The following WHRN variants were observed in gnomAD, a reference collection of about 807,000 sequenced individuals.
WHRN encodes whirlin, also known as CASK-interacting protein CIP98.
WHRN carries 41 observed loss-of-function variants against 68.3 expected under a neutral mutation model. That is an observed-to-expected ratio of 0.60 (90% confidence interval 0.47 to 0.78). The LOEUF is 0.78. Ranked by LOEUF, WHRN falls within the 30% of genes least tolerant of loss-of-function variation. The pLI, the probability that WHRN is intolerant of heterozygous loss-of-function variation, is 0.00. For missense variants in WHRN, 1,243 were observed against 1,244.7 expected, an observed-to-expected ratio of 1.00 and a Z score of 0.02; for synonymous variants, 560 against 561.3, an observed-to-expected ratio of 1.00 and a Z score of 0.03.
chr9:114,412,602 G>A (rs912944329), intron 7 of WHRN, among the ~76,000 whole-genome samples: 1 of 152,204 alleles, frequency 6.6e-6, no homozygotes, highest in Non-Finnish European at 1.5e-5. Context: ...CTTCCCATAA[G>A]AGCCAAGATG....
intron 3 of WHRN, among the ~76,000 whole-genome samples, chr9:114,434,600 T>C (rs1837692246): frequency 6.6e-6 from 1 of 152,112 alleles, no homozygotes; most frequent in Non-Finnish European, 1.5e-5. Flanking sequence ...CCACTGGATC[T>C]ATCATCAAGC....
intron 2 of WHRN, among the ~76,000 whole-genome samples, chr9:114,466,888 C>T (rs577327038): frequency 3.3e-4 from 48 of 146,486 alleles, no homozygotes; most frequent in Admixed American, 2.8e-3. Context: ...AGGGGTCTCC[C>T]GTCACCTCAG....
chr9:114,436,978 G>A (rs895454111), intron 3 of WHRN, among the ~76,000 whole-genome samples: 1 of 152,110 alleles, frequency 6.6e-6, no homozygotes, highest in Non-Finnish European at 1.5e-5. Flanking sequence ...GAATGGCTAT[G>A]AGAAACCCTG....
chr9:114,446,565 G>A (rs1838836209), intron 3 of WHRN, among the ~76,000 whole-genome samples: 1 of 152,114 alleles, frequency 6.6e-6, no homozygotes, highest in South Asian at 2.1e-4. Flanking sequence ...GGATGTCTGG[G>A]TCCTTCTACT....
intron 1 of WHRN, chr9:114,503,148 G>C (rs1253949952): frequency 1.0e-6 from 1 of 985,336 alleles, no homozygotes; most frequent in African/African-American, 1.7e-5. Context: ...GGAAGTAGTC[G>C]TGGGCCTCTG....
chr9:114,415,132 T>C (rs1835720603), intron 7 of WHRN, among the ~76,000 whole-genome samples: 1 of 151,994 alleles, frequency 6.6e-6, no homozygotes, highest in Admixed American at 6.5e-5. Flanking sequence ...CCCCCATCAC[T>C]ACAAAAAAAT....
At chr9:114,467,563 T>C (rs1413273131) in intron 2 of WHRN, among the ~76,000 whole-genome samples, 1 of 151,644 alleles carries the variant, frequency 6.6e-6, no homozygotes, top group Non-Finnish European at 1.5e-5. Context: ...ACGGCTCAAG[T>C]CAGTGCTCAG....
At chr9:114,467,738 C>A (rs1840847879) in intron 2 of WHRN, among the ~76,000 whole-genome samples, 1 of 152,032 alleles carries the variant, frequency 6.6e-6, no homozygotes, top group Non-Finnish European at 1.5e-5. Flanking sequence ...AAGTGTGTCT[C>A]CGGTATGAAA....
At chr9:114,450,138 A>G (rs1589159980) in intron 3 of WHRN, among the ~76,000 whole-genome samples, 1 of 151,772 alleles carries the variant, frequency 6.6e-6, no homozygotes, top group Non-Finnish European at 1.5e-5. Flanking sequence ...CTCCAGCAAA[A>G]GGGGCTGGTG....
At chr9:114,472,210 G>C (rs1841285487) in intron 2 of WHRN, among the ~76,000 whole-genome samples, 1 of 152,204 alleles carries the variant, frequency 6.6e-6, no homozygotes, top group Non-Finnish European at 1.5e-5. Flanking sequence ...AGCCTGGACA[G>C]TCCGGCTGGA....
At chr9:114,503,213 T>C (rs972976581) in intron 1 of WHRN, 9 of 985,286 alleles carry the variant, frequency 9.1e-6, no homozygotes, top group Admixed American at 6.1e-5. Flanking sequence ...TCAAAACACC[T>C]GCGCTGGCGG....
intron 1 of WHRN, among the ~76,000 whole-genome samples, chr9:114,500,271 G>T (rs1843810357): frequency 6.6e-6 from 1 of 152,176 alleles, no homozygotes; most frequent in African/African-American, 2.4e-5. Flanking sequence ...TGCATGCCAT[G>T]GTGCCACGGT....
chr9:114,485,251 G>A (rs920118799), intron 1 of WHRN, among the ~76,000 whole-genome samples: 5 of 152,214 alleles, frequency 3.3e-5, no homozygotes, highest in Admixed American at 6.5e-5. Flanking sequence ...AAAAAATTAT[G>A]CATGCCTGCT....
At chr9:114,411,051 A>ATAGG (rs1329305127) in intron 7 of WHRN, among the ~76,000 whole-genome samples, 1 of 152,222 alleles carries the variant, frequency 6.6e-6, no homozygotes, top group Non-Finnish European at 1.5e-5. Context: ...AGCACTCAGA[A>ATAGG]TAGGGCCTGG....
chr9:114,494,982 C>T (rs760412172), intron 1 of WHRN, among the ~76,000 whole-genome samples: 2 of 152,066 alleles, frequency 1.3e-5, no homozygotes, highest in Non-Finnish European at 2.9e-5. Flanking sequence ...GTGGGGACAG[C>T]GGCAGAGGTG....
chr9:114,444,025 C>A (rs1408995111), intron 3 of WHRN, among the ~76,000 whole-genome samples: 1 of 152,166 alleles, frequency 6.6e-6, no homozygotes, highest in Non-Finnish European at 1.5e-5. Context: ...TATGGGGTTT[C>A]CCCCCACCAC....
At chr9:114,492,021 A>AT (rs1293175634) in intron 1 of WHRN, among the ~76,000 whole-genome samples, 1 of 152,004 alleles carries the variant, frequency 6.6e-6, no homozygotes, top group Non-Finnish European at 1.5e-5. Context: ...ATTTGAAAAA[A>AT]AAAAAAAAGA....
chr9:114,487,188 ATT>A (rs199746650), intron 1 of WHRN, among the ~76,000 whole-genome samples: 74 of 136,496 alleles, frequency 5.4e-4, no homozygotes, highest in Middle Eastern at 7.3e-3. Context: ...CCAAAAAAAA[ATT>A]TTTTTTTTTT....
At chr9:114,476,917 A>G (rs1417643176) in intron 2 of WHRN, among the ~76,000 whole-genome samples, 8 of 152,208 alleles carry the variant, frequency 5.3e-5, no homozygotes, top group Non-Finnish European at 2.9e-5. Context: ...TGCCCTGCAT[A>G]GAAAAGGGAC....
Sources: gnomAD v4.1 joint callset for allele counts (sites outside exome capture counted in the v4.1 genomes callset) on GRCh38, gnomAD v4.1.1 for gene constraint, MANE v1.5 for transcripts, NCBI Gene and HGNC (gene_info 2026-07-23, HGNC 2026-07-21) for gene names.